MAGI2: variants seen among roughly 807,000 people sequenced by gnomAD.
The protein encoded by MAGI2 is membrane-associated guanylate kinase, WW and PDZ domain-containing protein 2.
A neutral mutation model predicts 133.3 loss-of-function variants in MAGI2; 35 were observed. The ratio of observed to expected loss-of-function variants is 0.26; its 90% confidence interval spans 0.20 to 0.35. The LOEUF (loss-of-function observed/expected upper bound fraction) is 0.35, where lower values mean the gene tolerates loss of function less well. MAGI2 is among the 10% of genes least tolerant of loss of function. The pLI, the probability that MAGI2 is intolerant of heterozygous loss-of-function variation, is 1.00. For synonymous variants in MAGI2, 729 were observed against 710.6 expected (o/e 1.03, Z -0.41); for missense variants, 1,636 against 1,863.4 (o/e 0.88, Z 2.25).
intron 17 of MAGI2, 55 bp downstream of exon 17, chr7:78,134,966 G>C (rs933232628): frequency 2.0e-6 from 3 of 1,511,752 alleles, no homozygotes; most frequent in Non-Finnish European, 2.7e-6. Flanking sequence ...GAGAACACCC[G>C]GTGAGTGTGT....
chr7:79,220,069 G>A (rs1830323659), intron 1 of MAGI2, among the ~76,000 whole-genome samples: 1 of 151,834 alleles, frequency 6.6e-6, no homozygotes, highest in South Asian at 2.1e-4. Context: ...TCCTCTCCTT[G>A]GGCTTCCCAA....
intron 1 of MAGI2, among the ~76,000 whole-genome samples, chr7:79,350,858 C>T (rs1841638691): frequency 6.6e-6 from 1 of 152,022 alleles, no homozygotes; most frequent in South Asian, 2.1e-4. Flanking sequence ...AGAAAAGGAC[C>T]TCAAAAGCAT....
chr7:78,701,634 T>TTTCCTTTTCTTTC (rs1367258037), intron 2 of MAGI2, among the ~76,000 whole-genome samples: 1 of 151,918 alleles, frequency 6.6e-6, no homozygotes, highest in Non-Finnish European at 1.5e-5. Context: ...ACCCTGCCTT[T>TTTCCTTTTCTTTC]TTCCTTTTCT....
chr7:78,511,881 G>A (rs1217675049), intron 4 of MAGI2, among the ~76,000 whole-genome samples: 3 of 151,376 alleles, frequency 2.0e-5, no homozygotes, highest in Admixed American at 1.3e-4. Flanking sequence ...GGATCACAAA[G>A]TCAGGAGATC....
chr7:79,037,132 C>T (rs1562816651), intron 1 of MAGI2, among the ~76,000 whole-genome samples: 1 of 152,152 alleles, frequency 6.6e-6, no homozygotes, highest in Non-Finnish European at 1.5e-5. Flanking sequence ...AGTTTCCTCA[C>T]TCCCTTCGTT....
rs972419979 is a variant in MAGI2, at chr7:78,614,134, C to G, written c.538+12986G>C. On this transcript the variant is annotated intron_variant, in intron 3 of 21. Coordinates refer to ENST00000354212, the MANE Select transcript of MAGI2 (RefSeq NM_012301.4). Reference sequence around the variant, plus strand: ...AAAAAAAAAAAAAAATTAGTATATACTGCAAACTGTGAATGTGGGCCTTTC... The same window carrying G: ...AAAAAAAAAAAAAAATTAGTATATAGTGCAAACTGTGAATGTGGGCCTTTC... 6.6e-5 allele frequency among the ~76,000 whole-genome samples: 10 copies of G among 151,120 alleles called. 2 individuals are homozygous for G. The highest frequency in any genetic ancestry group is 5.9e-4 in the Admixed American group (9 of 15,144).
intron 2 of MAGI2, among the ~76,000 whole-genome samples, chr7:78,721,684 G>A: frequency 6.6e-6 from 1 of 151,932 alleles, no homozygotes. Context: ...GAACTAAGAT[G>A]GTAGCTTTTT....
At chr7:79,295,543 G>A (rs950487991) in intron 1 of MAGI2, among the ~76,000 whole-genome samples, 3 of 151,608 alleles carry the variant, frequency 2.0e-5, no homozygotes, top group African/African-American at 2.4e-5. Flanking sequence ...CTTCAGGCAC[G>A]GTCGAGTCAA....
chr7:78,500,052 A>G (rs1243452965), intron 5 of MAGI2, among the ~76,000 whole-genome samples: 1 of 152,208 alleles, frequency 6.6e-6, no homozygotes, highest in Non-Finnish European at 1.5e-5. Flanking sequence ...AAATTAGAAC[A>G]TTTGCTGAAA....
intron 16 of MAGI2, chr7:78,159,777 T>G (rs762708184): frequency 2.3e-4 from 77 of 336,704 alleles, no homozygotes; most frequent in Non-Finnish European, 3.6e-4. Context: ...TACAAATGAA[T>G]GAAGAGCTTT....
intron 4 of MAGI2, among the ~76,000 whole-genome samples, chr7:78,516,248 T>C (rs1046133134): frequency 2.0e-5 from 3 of 152,190 alleles, no homozygotes; most frequent in South Asian, 2.1e-4. Flanking sequence ...AACAGAGATG[T>C]TCTTGTCAAA....
intron 3 of MAGI2, among the ~76,000 whole-genome samples, chr7:78,553,211 G>C (rs16886191): frequency 5.3e-5 from 8 of 151,822 alleles, no homozygotes; most frequent in Middle Eastern, 6.8e-3. Context: ...CCATCTGTTC[G>C]CAGTCTTACA....
chr7:79,124,499 C>A (rs1225676937), intron 1 of MAGI2, among the ~76,000 whole-genome samples: 1 of 152,154 alleles, frequency 6.6e-6, no homozygotes, highest in East Asian at 1.9e-4. Flanking sequence ...TACTGACTCC[C>A]AAGTTTGCGC....
intron 6 of MAGI2, among the ~76,000 whole-genome samples, chr7:78,373,478 A>T (rs1794129913): frequency 6.6e-6 from 1 of 152,160 alleles, no homozygotes; most frequent in Non-Finnish European, 1.5e-5. Context: ...ACTTTGTAGT[A>T]TTTTTGTAAT....
chr7:78,349,207 C>T (rs1791233642), intron 7 of MAGI2, among the ~76,000 whole-genome samples: 1 of 152,120 alleles, frequency 6.6e-6, no homozygotes, highest in South Asian at 2.1e-4. Flanking sequence ...ATTTATCTTT[C>T]TGTATTGAGC....
chr7:79,157,632 G>A (rs1823914077), intron 1 of MAGI2, among the ~76,000 whole-genome samples: 1 of 151,562 alleles, frequency 6.6e-6, no homozygotes, highest in Non-Finnish European at 1.5e-5. Context: ...CCCCTTTCAA[G>A]CATTCTGTAT....
intron 6 of MAGI2, among the ~76,000 whole-genome samples, chr7:78,438,805 G>A (rs946769235): frequency 3.9e-5 from 6 of 152,222 alleles, no homozygotes; most frequent in African/African-American, 1.4e-4. Context: ...ATCTTTTCAT[G>A]GGCGCACAAT....
chr7:79,029,797 C>T (rs1015610392), intron 1 of MAGI2, among the ~76,000 whole-genome samples: 2 of 152,210 alleles, frequency 1.3e-5, no homozygotes, highest in South Asian at 2.1e-4. Context: ...TTCTAATTTA[C>T]CAATAATCAA....
In MAGI2 at chr7:79,229,411, C is replaced by A. The variant is rs181609775; in HGVS notation, c.302-222205G>T. 2.7e-4 allele frequency among the ~76,000 whole-genome samples: 41 copies of A among 152,268 alleles called. 1 individual carries two copies. The East Asian group carries it at 7.9e-3, about 29-fold the overall frequency. ...TTTGGGCCTACCATCTTTCCTCCAA[C>A]CTACAAGAGATCGGCATAGAAGGGG... On this transcript the variant is annotated intron_variant, in intron 1 of 21. Coordinates refer to ENST00000354212, the MANE Select transcript of MAGI2 (RefSeq NM_012301.4).
Sources: allele counts gnomAD v4.1 joint callset (sites outside exome capture counted in the v4.1 genomes callset), GRCh38; gene constraint gnomAD v4.1.1; transcripts MANE v1.5; gene names NCBI Gene and HGNC (gene_info 2026-07-23, HGNC 2026-07-21).